The following HSPA4 variants were observed in gnomAD, a reference collection of about 807,000 sequenced individuals.
The protein encoded by HSPA4 is heat shock protein family A (Hsp70) member 4.
HSPA4 carries 25 observed loss-of-function variants against 106.2 expected under a neutral mutation model. That is an observed-to-expected ratio of 0.24 (90% CI 0.17 to 0.33). The LOEUF is 0.33. Among genes scored for constraint, HSPA4 ranks in the 10% least tolerant of loss-of-function variants. HSPA4 has a pLI of 1.00. For synonymous variants in HSPA4, 332 were observed against 333.6 expected, an observed-to-expected ratio of 1.00 and a Z score of 0.05; for missense variants, 841 against 996.0, an observed-to-expected ratio of 0.84 and a Z score of 2.10.
chr5:133,095,269 T>C (rs567229905), intron 13 of HSPA4, among the ~76,000 whole-genome samples: 2 of 152,242 alleles, frequency 1.3e-5, no homozygotes, highest in East Asian at 3.9e-4. Flanking sequence ...GCCATTGCAC[T>C]CCAGCCTGGG....
intron 13 of HSPA4, among the ~76,000 whole-genome samples, chr5:133,094,937 A>G (rs1765691616): frequency 6.6e-6 from 1 of 152,200 alleles, no homozygotes; most frequent in Non-Finnish European, 1.5e-5. Flanking sequence ...CTTTCAGAGT[A>G]TGAAAGCAAC....
chr5:133,052,310 C>G lies in HSPA4; in HGVS notation c.60C>G (p.Ala20=). ...GCTGCTACGTCGCTGTGGCCCGCGCCGGCGGCATCGAGACTATCGCTAATG... is the reference window on the plus strand; with the variant it reads ...GCTGCTACGTCGCTGTGGCCCGCGCGGGCGGCATCGAGACTATCGCTAATG... The part of the protein sequence containing the change: ...FQSCYVAVAR[A]GGIETIANEY... The change falls in exon 1 of 19, where the codon GCC becomes GCG. Residue 20 remains alanine (A), a synonymous_variant. Coordinates refer to ENST00000304858, the MANE Select transcript of HSPA4 (RefSeq NM_002154.4). 1 of 1,589,824 alleles carries G rather than the reference C, an allele frequency of 6.3e-7. No individual in the cohort carries two copies. Among genetic ancestry groups the G allele is most frequent in the Non-Finnish European group, 8.5e-7 (1 of 1,170,670 alleles).
chr5:133,070,671 G>T (rs994206065), intron 4 of HSPA4, among the ~76,000 whole-genome samples, 175 bp downstream of exon 4: 1 of 152,182 alleles, frequency 6.6e-6, no homozygotes, highest in African/African-American at 2.4e-5. Flanking sequence ...GGAGGCCAAG[G>T]TGGGTGGATC....
chr5:133,052,522 C>T (rs548341738), intron 1 of HSPA4, among the ~76,000 whole-genome samples, 165 bp downstream of exon 1: 9 of 152,332 alleles, frequency 5.9e-5, no homozygotes, highest in South Asian at 2.1e-4. Flanking sequence ...ACACTAGGGG[C>T]CGCGGCCCAC....
chr5:133,053,442 T>G (rs909151669), intron 1 of HSPA4, among the ~76,000 whole-genome samples: 1 of 150,868 alleles, frequency 6.6e-6, no homozygotes, highest in Non-Finnish European at 1.5e-5. Flanking sequence ...CCCTGGCTCC[T>G]GGCTCAGGTG....
chr5:133,066,792 G>A (rs1224848413), intron 2 of HSPA4, among the ~76,000 whole-genome samples: 2 of 143,932 alleles, frequency 1.4e-5, no homozygotes, highest in Non-Finnish European at 1.5e-5. Flanking sequence ...CCCTGTCAGC[G>A]CAACCTCCAC....
intron 1 of HSPA4, among the ~76,000 whole-genome samples, chr5:133,062,975 T>C (rs1041545677): frequency 2.6e-5 from 4 of 152,148 alleles, no homozygotes; most frequent in African/African-American, 7.2e-5. Flanking sequence ...AGAGCTCTTA[T>C]TTACTCTGTT....
chr5:133,057,393 CTG>C (rs572529731), intron 1 of HSPA4, among the ~76,000 whole-genome samples: 3 of 148,720 alleles, frequency 2.0e-5, no homozygotes, highest in South Asian at 2.1e-4. Context: ...ATGTCCCACT[CTG>C]TTGCTCAGGC....
intron 17 of HSPA4, among the ~76,000 whole-genome samples, chr5:133,102,101 A>G (rs903842409): frequency 3.3e-5 from 5 of 151,564 alleles, no homozygotes; most frequent in African/African-American, 1.2e-4. Flanking sequence ...TTATTTTTGT[A>G]TTTTTAGTAG....
chr5:133,073,907 T>TTA (rs1765415559), intron 5 of HSPA4, 86 bp from the exon 6 acceptor site: 1 of 856,138 alleles, frequency 1.2e-6, no homozygotes, highest in Non-Finnish European at 1.7e-6. Flanking sequence ...GTTGCATTCG[T>TTA]TATATATAAA....
At chr5:133,067,245 C>T (rs750918414) in intron 2 of HSPA4, among the ~76,000 whole-genome samples, 172 bp from the exon 3 acceptor site, 5 of 152,156 alleles carry the variant, frequency 3.3e-5, no homozygotes, top group Non-Finnish European at 7.3e-5. Flanking sequence ...ATCCCTCCTC[C>T]CTCACTTCGC....
At chr5:133,078,138 C>T (rs1425138402) in intron 7 of HSPA4, among the ~76,000 whole-genome samples, 3 of 151,906 alleles carry the variant, frequency 2.0e-5, no homozygotes, top group Non-Finnish European at 1.5e-5. Flanking sequence ...TGAGACCATC[C>T]TGGCTAACAT....
chr5:133,089,011 T>C, intron 9 of HSPA4, 44 bp from the exon 10 acceptor site: 1 of 986,202 alleles, frequency 1.0e-6, no homozygotes, highest in South Asian at 1.6e-5. Flanking sequence ...CAGTTTATAT[T>C]GTCTATACTT....
chr5:133,078,596 C>T (rs1765474801), intron 7 of HSPA4, among the ~76,000 whole-genome samples: 1 of 135,594 alleles, frequency 7.4e-6, no homozygotes, highest in African/African-American at 2.8e-5. Flanking sequence ...GATCGTGCCA[C>T]TGTACTCTAG....
intron 4 of HSPA4, 130 bp downstream of exon 4, chr5:133,070,626 G>T: frequency 9.2e-7 from 1 of 1,087,648 alleles, no homozygotes. Context: ...GTCAGGCCGG[G>T]TGCAGTGGCT....
chr5:133,058,850 G>A (rs1281175054), intron 1 of HSPA4, among the ~76,000 whole-genome samples: 2 of 151,998 alleles, frequency 1.3e-5, no homozygotes, highest in Admixed American at 6.6e-5. Context: ...AAAATTGGCC[G>A]GGTGTGGTGG....
chr5:133,059,563 A>G (rs923234782), intron 1 of HSPA4, among the ~76,000 whole-genome samples: 4 of 152,080 alleles, frequency 2.6e-5, no homozygotes, highest in African/African-American at 9.7e-5. Context: ...CAGTGAGCAG[A>G]TATCGAGCCA....
At chr5:133,073,201 A>ACAG in intron 4 of HSPA4, 29 bp from the exon 5 acceptor site, 5 of 1,373,676 alleles carry the variant, frequency 3.6e-6, no homozygotes, top group Non-Finnish European at 5.1e-6. Context: ...AATCTATAAT[A>ACAG]CAGTAAGCAT....
At chr5:133,057,748 G>T (rs568162785) in intron 1 of HSPA4, among the ~76,000 whole-genome samples, 3 of 152,318 alleles carry the variant, frequency 2.0e-5, no homozygotes, top group Admixed American at 6.5e-5. Context: ...GTGCAATTTG[G>T]AATGGAGGAA....
Sources: allele counts gnomAD v4.1 joint callset (sites outside exome capture counted in the v4.1 genomes callset), GRCh38; gene constraint gnomAD v4.1.1; transcripts MANE v1.5; gene names NCBI Gene and HGNC (gene_info 2026-07-23, HGNC 2026-07-21).